SESTD1: variants seen among roughly 807,000 people sequenced by gnomAD.
SESTD1 encodes the protein SEC14 and spectrin domain containing 1.
SESTD1 carries 43 observed loss-of-function variants against 101.7 expected under a neutral mutation model. The observed-to-expected ratio is 0.42, with a 90% CI of 0.33 to 0.55. The LOEUF (loss-of-function observed/expected upper bound fraction) is 0.55, where lower values mean the gene tolerates loss of function less well. Among genes scored for constraint, SESTD1 ranks in the 20% least tolerant of loss-of-function variants. The pLI is 0.07. For missense variants in SESTD1, 647 were observed against 815.1 expected, an observed-to-expected ratio of 0.79 and a Z score of 2.51; for synonymous variants, 283 against 286.8, an observed-to-expected ratio of 0.99 and a Z score of 0.13.
intron 1 of SESTD1, among the ~76,000 whole-genome samples, chr2:179,248,625 C>A (rs2047267769): frequency 6.6e-6 from 1 of 151,056 alleles, no homozygotes. Flanking sequence ...TAATCATGAA[C>A]TCTTGCAAAA....
rs377078689 is a variant in SESTD1 at position 179,170,182 on chromosome 2, CTG to C, written c.369+1936_369+1937del. On this transcript the variant is annotated intron_variant, in intron 5 of 17. Coordinates refer to ENST00000428443, the MANE Select transcript of SESTD1 (RefSeq NM_178123.5). ...CAAAAGTCTGATTAATAAAAGAAAACTGTTTCTCCACCTGTGAAATCAGAAAG... is the reference window on the plus strand; with the variant it reads ...CAAAAGTCTGATTAATAAAAGAAAACTTTCTCCACCTGTGAAATCAGAAAG... 2.1e-3 allele frequency among the ~76,000 whole-genome samples: 314 copies of C among 149,972 alleles called. 5 individuals are homozygous for C. Among genetic ancestry groups the C allele is most frequent in the African/African-American group, 7.4e-3 (300 of 40,744 alleles).
At chr2:179,173,380 A>C (rs1455707336) in intron 4 of SESTD1, among the ~76,000 whole-genome samples, 2 of 152,208 alleles carry the variant, frequency 1.3e-5, no homozygotes, top group East Asian at 3.8e-4. Flanking sequence ...AATATAAAAT[A>C]ATAAAGATAA....
At chr2:179,202,866 T>C (rs1357855758) in intron 1 of SESTD1, among the ~76,000 whole-genome samples, 1 of 134,524 alleles carries the variant, frequency 7.4e-6, no homozygotes, top group African/African-American at 2.9e-5. Context: ...AAAGATCCAA[T>C]ATCCTAAGTC....
At position 179,123,661 on chromosome 2, in the gene SESTD1, T is replaced by C. The variant is rs955146795; in HGVS notation, c.1282+54A>G. ...TGACTTAATTGTCTAACCATGGTAA[T>C]GATATTTAAAAAAAAAAAAACCTTA... On this transcript the variant is annotated intron_variant, in intron 12 of 17. Transcript: ENST00000428443. The C allele has an allele frequency of 6.3e-5, 68 of 1,076,114 alleles. No homozygotes were observed. The African/African-American group carries it at 1.7e-3, about 27-fold the overall frequency. The allele number at this position is 1,076,114 out of a possible 1,614,324, so 66.7% of individuals were successfully genotyped here.
intron 5 of SESTD1, among the ~76,000 whole-genome samples, chr2:179,170,639 G>A (rs2045915625): frequency 6.6e-6 from 1 of 152,168 alleles, no homozygotes; most frequent in African/African-American, 2.4e-5. Context: ...TTAGTAAGAT[G>A]AGTGGTGGCT....
intron 2 of SESTD1, among the ~76,000 whole-genome samples, chr2:179,183,842 G>GAGAGAGAGAGAGAGGA (rs2046161370): frequency 6.9e-6 from 1 of 145,746 alleles, no homozygotes; most frequent in African/African-American, 2.5e-5. Flanking sequence ...AGGAGAGAGA[G>GAGAGAGAGAGAGAGGA]AGAGAGAGAG....
chr2:179,146,544 C>A (rs2045399749), intron 7 of SESTD1, 87 bp from the exon 8 acceptor site: 1 of 1,091,564 alleles, frequency 9.2e-7, no homozygotes, highest in Admixed American at 2.1e-5. Context: ...AAAAACAGAA[C>A]AGGGGCACAA....
At chr2:179,199,301 T>C (rs1220888381) in intron 1 of SESTD1, among the ~76,000 whole-genome samples, 5 of 152,172 alleles carry the variant, frequency 3.3e-5, no homozygotes, top group Admixed American at 2.6e-4. Flanking sequence ...TCTGAAATTG[T>C]GGCAATATTC....
intron 2 of SESTD1, among the ~76,000 whole-genome samples, chr2:179,191,039 G>T (rs567312028): frequency 6.6e-6 from 1 of 152,062 alleles, no homozygotes; most frequent in Non-Finnish European, 1.5e-5. Context: ...CCAGTAATGG[G>T]ATTGCTACCA....
At chr2:179,139,888 C>T (rs566633466) in intron 9 of SESTD1, among the ~76,000 whole-genome samples, 1 of 152,160 alleles carries the variant, frequency 6.6e-6, no homozygotes, top group African/African-American at 2.4e-5. Flanking sequence ...TTTCCTTGCT[C>T]GGTGCCCTGC....
intron 1 of SESTD1, among the ~76,000 whole-genome samples, chr2:179,210,650 C>T (rs2046638782): frequency 7.4e-6 from 1 of 134,606 alleles, no homozygotes; most frequent in African/African-American, 2.9e-5. Context: ...ATGATTAAAA[C>T]CCTCAGCAAA....
intron 1 of SESTD1, among the ~76,000 whole-genome samples, chr2:179,210,013 G>A (rs2046631694): frequency 7.5e-6 from 1 of 133,394 alleles, no homozygotes; most frequent in Non-Finnish European, 1.6e-5. Context: ...AATTAGAAAT[G>A]AAATGGGAGA....
chr2:179,205,504 G>T (rs926504163), intron 1 of SESTD1, among the ~76,000 whole-genome samples: 1 of 134,170 alleles, frequency 7.5e-6, no homozygotes, highest in Admixed American at 7.3e-5. Context: ...TTAGTTTCTC[G>T]GTCTAGATTT....
intron 1 of SESTD1, among the ~76,000 whole-genome samples, chr2:179,247,339 A>G (rs914592681): frequency 1.3e-5 from 2 of 152,198 alleles, no homozygotes; most frequent in African/African-American, 2.4e-5. Context: ...TAAATGAAGC[A>G]TAAGTTCTTA....
chr2:179,162,337 C>A (rs1373182231), intron 5 of SESTD1: 2 of 151,796 alleles, frequency 1.3e-5, no homozygotes. Context: ...TTTACAAAAT[C>A]ATGTAGGAAA....
Position 179,104,354 on chromosome 2 carries a change from CA to C in SESTD1, c.*5544del, listed in dbSNP as rs1266359546. 6.6e-6 allele frequency: 1 copy of C among 152,000 alleles called. No individual in the cohort carries two copies. Among genetic ancestry groups the C allele is most frequent in the Non-Finnish European group, 1.5e-5 (1 of 67,984 alleles). 9.4% of individuals were successfully genotyped at this position (152,000 alleles called of 1,614,324 possible). On this transcript the variant is annotated 3_prime_UTR_variant, in exon 18 of 18. Transcript: ENST00000428443. ...GCAAATCTGTTGGCCATAAAGATAA[CA>C]TAAGAGTTAAGATGAGAAAACATTC...
chr2:179,173,813 T>C (rs923307851), intron 4 of SESTD1, among the ~76,000 whole-genome samples: 2 of 152,138 alleles, frequency 1.3e-5, no homozygotes, highest in African/African-American at 2.4e-5. Context: ...CCACACAATA[T>C]ATAAATGAAT....
chr2:179,255,509 T>C (rs1205959375), intron 1 of SESTD1, among the ~76,000 whole-genome samples: 1 of 152,174 alleles, frequency 6.6e-6, no homozygotes, highest in Non-Finnish European at 1.5e-5. Context: ...AGCAAGACAC[T>C]AGTTCTAGTC....
At chr2:179,150,428 A>G (rs2045494237) in intron 6 of SESTD1, among the ~76,000 whole-genome samples, 1 of 152,148 alleles carries the variant, frequency 6.6e-6, no homozygotes, top group Non-Finnish European at 1.5e-5. Context: ...TTCACAAATG[A>G]AAATGCTTAA....
Sources: gnomAD v4.1 joint callset for allele counts (sites outside exome capture counted in the v4.1 genomes callset) on GRCh38, gnomAD v4.1.1 for gene constraint, MANE v1.5 for transcripts, NCBI Gene and HGNC (gene_info 2026-07-23, HGNC 2026-07-21) for gene names.